SDK1: variants seen among roughly 807,000 people sequenced by gnomAD.
SDK1 encodes protein sidekick-1.
A neutral mutation model predicts 245.5 loss-of-function variants in SDK1; 157 were observed. That is an observed-to-expected ratio of 0.64 (90% CI 0.56 to 0.73). SDK1 has a LOEUF of 0.73. Ranked by LOEUF, SDK1 falls within the 30% of genes least tolerant of loss-of-function variation. The pLI, the probability that SDK1 is intolerant of heterozygous loss-of-function variation, is 0.00. For synonymous variants in SDK1, 1,647 were observed against 1,278.5 expected (o/e 1.29, Z -6.15); for missense variants, 3,583 against 3,002.3 (o/e 1.19, Z -4.52).
At chr7:3,970,318 A>G (rs1782388056) in intron 11 of SDK1, among the ~76,000 whole-genome samples, 1 of 152,210 alleles carries the variant, frequency 6.6e-6, no homozygotes, top group Non-Finnish European at 1.5e-5. Context: ...GTTGGTGTCC[A>G]CTTTGATAAA....
intron 25 of SDK1, among the ~76,000 whole-genome samples, chr7:4,123,104 A>G (rs562748386): frequency 6.6e-6 from 1 of 152,246 alleles, no homozygotes; most frequent in East Asian, 1.9e-4. Flanking sequence ...CATCTTAGAA[A>G]AACAGCTGTG....
chr7:3,369,035 C>G (rs1004876443), intron 1 of SDK1, among the ~76,000 whole-genome samples: 2 of 151,672 alleles, frequency 1.3e-5, no homozygotes, highest in African/African-American at 4.8e-5. Context: ...TTTTTTCTTT[C>G]CTTTTCTTTT....
chr7:3,493,818 T>C (rs1022080606), intron 1 of SDK1, among the ~76,000 whole-genome samples: 13 of 152,230 alleles, frequency 8.5e-5, no homozygotes, highest in Non-Finnish European at 1.5e-4. Flanking sequence ...CCAGTCTGAA[T>C]CTGTCTCTAC....
At chr7:4,074,387 G>C (rs1043132290) in intron 20 of SDK1, among the ~76,000 whole-genome samples, 6 of 152,184 alleles carry the variant, frequency 3.9e-5, no homozygotes, top group Non-Finnish European at 4.4e-5. Context: ...ACTGAGGGCT[G>C]TCTTGGGTTC....
chr7:4,036,152 A>C (rs993080549), intron 17 of SDK1, among the ~76,000 whole-genome samples: 1 of 152,184 alleles, frequency 6.6e-6, no homozygotes, highest in African/African-American at 2.4e-5. Context: ...GCTTCTGCCA[A>C]AGTAGGAGGT....
intron 1 of SDK1, among the ~76,000 whole-genome samples, chr7:3,520,072 C>G (rs903473922): frequency 4.2e-4 from 64 of 152,316 alleles, no homozygotes; most frequent in African/African-American, 1.4e-3. Flanking sequence ...ATTAAAGTTA[C>G]TGCATTTAAT....
intron 1 of SDK1, among the ~76,000 whole-genome samples, chr7:3,571,430 G>A (rs1251874561): frequency 2.0e-5 from 3 of 151,886 alleles, no homozygotes; most frequent in Non-Finnish European, 4.4e-5. Context: ...AGCCTCCCAA[G>A]TAGCCGGAAC....
chr7:3,437,604 T>C (rs908570910), intron 1 of SDK1, among the ~76,000 whole-genome samples: 3 of 152,038 alleles, frequency 2.0e-5, no homozygotes, highest in Non-Finnish European at 4.4e-5. Flanking sequence ...ACCCCTTCTC[T>C]ACAAAAAATA....
At chr7:3,961,175 G>T (rs779168146) in intron 8 of SDK1, among the ~76,000 whole-genome samples, 6 of 152,178 alleles carry the variant, frequency 3.9e-5, no homozygotes, top group Non-Finnish European at 8.8e-5. Context: ...TTTTCATTTT[G>T]ACAGTGAAAC....
chr7:3,381,128 TAAG>T (rs1222590075), intron 1 of SDK1, among the ~76,000 whole-genome samples: 1 of 151,604 alleles, frequency 6.6e-6, no homozygotes, highest in African/African-American at 2.4e-5. Context: ...GTATACAGAG[TAAG>T]AAGAGAATCC....
chr7:3,336,684 G>A (rs1443011793), intron 1 of SDK1, among the ~76,000 whole-genome samples: 2 of 152,026 alleles, frequency 1.3e-5, no homozygotes, highest in Non-Finnish European at 2.9e-5. Flanking sequence ...AAACTGGCAT[G>A]GCTTAGCCCT....
intron 10 of SDK1, among the ~76,000 whole-genome samples, 171 bp from the exon 11 acceptor site, chr7:3,969,086 C>A (rs1307030999): frequency 6.6e-6 from 1 of 152,208 alleles, no homozygotes; most frequent in Non-Finnish European, 1.5e-5. Context: ...CCCTCAGGAT[C>A]CAGTCACCTC....
chr7:4,009,292 C>T (rs183091737), intron 14 of SDK1, among the ~76,000 whole-genome samples: 3 of 152,294 alleles, frequency 2.0e-5, no homozygotes, highest in South Asian at 2.1e-4. Flanking sequence ...GGACTTGGCA[C>T]GAAGGGGCCC....
intron 4 of SDK1, among the ~76,000 whole-genome samples, chr7:3,773,096 GA>G (rs1780448704): frequency 6.6e-6 from 1 of 152,110 alleles, no homozygotes; most frequent in Non-Finnish European, 1.5e-5. Flanking sequence ...TCAAATTTGG[GA>G]AGTTTTCAGC....
intron 5 of SDK1, among the ~76,000 whole-genome samples, chr7:3,840,776 C>A (rs1780137258): frequency 6.6e-6 from 1 of 152,182 alleles, no homozygotes; most frequent in Admixed American, 6.5e-5. Flanking sequence ...CCGAGAATCG[C>A]GAGCCTCGCC....
In SDK1 at chr7:3,534,654, C is replaced by G. The variant is rs192361286; in HGVS notation, c.299-84426C>G. On this transcript the variant is annotated intron_variant, in intron 1 of 44. Coordinates refer to ENST00000404826, the MANE Select transcript of SDK1 (RefSeq NM_152744.4). ...TTTATTTCTCTCGGTCTCTGCCTTT[C>G]ACACTAGAGGCTTTCCTCGGTTGTT... Among the ~76,000 whole-genome samples, 161 of 152,228 alleles carry G rather than the reference C, an allele frequency of 1.1e-3. 1 individual carries two copies. The highest frequency in any genetic ancestry group is 3.7e-3 in the African/African-American group (153 of 41,542).
intron 1 of SDK1, among the ~76,000 whole-genome samples, chr7:3,558,520 C>T (rs996608568): frequency 6.6e-6 from 1 of 152,196 alleles, no homozygotes; most frequent in African/African-American, 2.4e-5. Flanking sequence ...CTTTTCCAGT[C>T]ACTGGGCAAG....
intron 18 of SDK1, among the ~76,000 whole-genome samples, chr7:4,049,975 C>T (rs940054618): frequency 1.5e-4 from 23 of 152,282 alleles, no homozygotes; most frequent in Non-Finnish European, 2.8e-4. Context: ...TTCCATCATC[C>T]GACTTCTTGT....
At chr7:4,233,657 C>T (rs17134653) in intron 41 of SDK1, among the ~76,000 whole-genome samples, 14,601 of 151,978 alleles carry the variant, frequency 0.096, 885 homozygotes, top group South Asian at 0.17. Context: ...TCAAGCGGGA[C>T]GAAAGGGACA....
Sources: allele counts gnomAD v4.1 joint callset (sites outside exome capture counted in the v4.1 genomes callset), GRCh38; gene constraint gnomAD v4.1.1; transcripts MANE v1.5; gene names NCBI Gene and HGNC (gene_info 2026-07-23, HGNC 2026-07-21).